CSDE1: variants seen among roughly 807,000 people sequenced by gnomAD.
CSDE1 encodes cold shock domain-containing protein E1.
Under a neutral mutation model 89.3 loss-of-function variants are expected in CSDE1, and 17 were observed. That is an observed-to-expected ratio of 0.19 (90% CI 0.13 to 0.29). The LOEUF (loss-of-function observed/expected upper bound fraction) is 0.29. Among genes scored for constraint, CSDE1 ranks in the 10% least tolerant of loss-of-function variants. CSDE1 has a pLI of 1.00. For missense variants in CSDE1, 672 were observed against 984.2 expected, an observed-to-expected ratio of 0.68 and a Z score of 4.24; for synonymous variants, 322 against 332.8, an observed-to-expected ratio of 0.97 and a Z score of 0.35.
intron 2 of CSDE1, among the ~76,000 whole-genome samples, chr1:114,745,824 A>C (rs1002092261): frequency 2.6e-5 from 4 of 152,216 alleles, no homozygotes; most frequent in African/African-American, 9.6e-5. Flanking sequence ...TAACTCAAGA[A>C]ATTGATTAAA....
At chr1:114,745,321 A>G (rs1313551237) in intron 2 of CSDE1, among the ~76,000 whole-genome samples, 1 of 152,242 alleles carries the variant, frequency 6.6e-6, no homozygotes, top group Non-Finnish European at 1.5e-5. Context: ...GAAATAATAT[A>G]AAGTCTAACA....
intron 16 of CSDE1, 106 bp downstream of exon 16, chr1:114,723,776 GT>G (rs893962351): frequency 8.0e-6 from 12 of 1,505,648 alleles, no homozygotes; most frequent in Non-Finnish European, 9.2e-6. Context: ...CCTTAATTCA[GT>G]TTTAAACCTA....
intron 6 of CSDE1, among the ~76,000 whole-genome samples, chr1:114,734,737 T>C (rs1379372423): frequency 1.3e-5 from 2 of 152,218 alleles, no homozygotes; most frequent in Non-Finnish European, 2.9e-5. Flanking sequence ...TTGGCAAATA[T>C]ATATATAGGT....
At position 114,730,418 on chromosome 1, in the gene CSDE1, A is replaced by G. The variant is rs1197069916; in HGVS notation, c.1196T>C (p.Met399Thr). 4 of 1,612,762 alleles carry G rather than the reference A, an allele frequency of 2.5e-6. No individual in the cohort carries two copies. Among genetic ancestry groups the G allele is most frequent in the Non-Finnish European group, 3.4e-6 (4 of 1,179,666 alleles). ...AGCATGATTTCTTTGAGCAGAGAGC[A>G]TATCCTAAAAATGATAAAACAAAAT... is the stretch of plus-strand genomic sequence containing the variant. ...DEVEFTVVPD[M>T]LSAQRNHAIR... is the part of the protein sequence containing the mutation. The change falls in exon 12 of 20, where the codon ATG becomes ACG. Residue 399 changes from methionine (M) to threonine (T), a missense_variant. By Grantham distance (81) the Met-to-Thr change is moderately conservative. Transcript: ENST00000358528.
At chr1:114,726,030 G>T (rs1659775885) in intron 14 of CSDE1, among the ~76,000 whole-genome samples, 181 bp downstream of exon 14, 1 of 152,110 alleles carries the variant, frequency 6.6e-6, no homozygotes, top group African/African-American at 2.4e-5. Context: ...TATTTCTTTT[G>T]GCCACAGGCT....
rs558231202 is a variant in CSDE1, at chr1:114,718,717, G to A, written c.2245C>T (p.Arg749Ter). 2 of 1,614,136 alleles carry A rather than the reference G, an allele frequency of 1.2e-6. No homozygotes were observed. The highest frequency in any genetic ancestry group is 1.7e-5 in the Admixed American group (1 of 60,020). The part of the protein sequence containing the change: ...CEGPKAVAAP[R>*]PDRLVNRLKN... ...AAGCGATTGACCAACCGATCAGGTC[G>A]AGGAGCTGCAACAGCCTTGGGGCCC... The change falls in exon 19 of 20, where the codon CGA (arginine) becomes TGA (stop). Residue 749 changes from arginine to a stop codon, truncating the protein, a stop_gained. Transcript: ENST00000358528. LOFTEE classifies it high-confidence loss of function.
At chr1:114,731,296 C>T (rs1275595680) in intron 10 of CSDE1, among the ~76,000 whole-genome samples, 1 of 150,928 alleles carries the variant, frequency 6.6e-6, no homozygotes, top group African/African-American at 2.4e-5. Flanking sequence ...ATGACCTAAA[C>T]AATATTTTGA....
At position 114,718,109 on chromosome 1, in the gene CSDE1, C is replaced by T; in HGVS notation, c.*60G>A. 1.9e-6 allele frequency: 3 copies of T among 1,579,978 alleles called. No individual in the cohort carries two copies. The highest frequency in any genetic ancestry group is 2.6e-6 in the Non-Finnish European group (3 of 1,149,674). On this transcript the variant is annotated 3_prime_UTR_variant, in exon 20 of 20. Transcript: ENST00000358528. ...GATGAAGAGGGAGATATTCAGAACC[C>T]TTCACCAGATTCCCCCCAACTTGAT...
At position 114,739,846 on chromosome 1, in the gene CSDE1, C is replaced by A. The variant is rs1401242055; in HGVS notation, c.45G>T (p.Gly15=). 5 of 1,613,990 alleles carry A rather than the reference C, an allele frequency of 3.1e-6. No individual in the cohort carries two copies. Among genetic ancestry groups the A allele is most frequent in the Non-Finnish European group, 8.5e-7 (1 of 1,179,946 alleles). Residue 15 remains glycine (G), a synonymous_variant, in exon 3 of 20, where the codon GGG becomes GGT. Coordinates refer to ENST00000358528, the MANE Select transcript of CSDE1 (RefSeq NM_001007553.3). ...PNLLHNNGHN[G]YPNGTSAALR... is the part of the protein sequence containing the mutation. Reference sequence around the variant, plus strand: ...GTGCTGCTGAAGTACCATTAGGGTACCCATTATGTCCATTGTTGTGGAGAA... The same window carrying A: ...GTGCTGCTGAAGTACCATTAGGGTAACCATTATGTCCATTGTTGTGGAGAA...
intron 2 of CSDE1, among the ~76,000 whole-genome samples, chr1:114,745,592 A>G (rs568185682): frequency 6.6e-6 from 1 of 152,244 alleles, no homozygotes; most frequent in Non-Finnish European, 1.5e-5. Flanking sequence ...TGCCTTATTC[A>G]TTCAACCACA....
chr1:114,725,065 T>C (rs1213570420), intron 15 of CSDE1, among the ~76,000 whole-genome samples, 156 bp downstream of exon 15: 1 of 152,192 alleles, frequency 6.6e-6, no homozygotes, highest in Non-Finnish European at 1.5e-5. Context: ...TCAGAGAACG[T>C]ATATTTCTAA....
intron 15 of CSDE1, 76 bp from the exon 16 acceptor site, chr1:114,724,078 A>G (rs1375471563): frequency 8.0e-6 from 12 of 1,508,018 alleles, no homozygotes; most frequent in African/African-American, 1.4e-5. Context: ...AGCAAAAAAT[A>G]ACAGCACAAA....
chr1:114,734,436 A>C lies in CSDE1; in HGVS notation c.582+6T>G. The C allele has an allele frequency of 6.2e-7, 1 of 1,610,738 alleles. No homozygotes were observed. ...AAAACTCAAGTTTCTCAAATTTAAC[A>C]CTTACCTTCATGGCACAAACTACTC... On this transcript the variant is annotated splice_donor_region_variant and intron_variant, in intron 7 of 19. Transcript: ENST00000358528.
intron 15 of CSDE1, 30 bp downstream of exon 15, chr1:114,725,191 C>T (rs1659728829): frequency 6.4e-7 from 1 of 1,561,278 alleles, no homozygotes; most frequent in Non-Finnish European, 8.8e-7. Flanking sequence ...CTTAAAAGCA[C>T]AGGCTGAATA....
chr1:114,757,420 G>C (rs1321186005), intron 1 of CSDE1, among the ~76,000 whole-genome samples: 1 of 152,054 alleles, frequency 6.6e-6, no homozygotes, highest in Non-Finnish European at 1.5e-5. Context: ...GAAACTACAG[G>C]GTCCAGAGTC....
At position 114,727,004 on chromosome 1, in the gene CSDE1, A is replaced by C. The variant is rs748290172; in HGVS notation, c.1443T>G (p.Thr481=). The stretch of plus-strand genomic sequence containing the variant: ...TTGCCTTATCTCCTATTTGAGGAGA[A>C]GTAGATCCTTCCACATCCTTGGCTT... The part of the protein sequence containing the change: ...AFQAKDVEGS[T]SPQIGDKVEF... The change falls in exon 13 of 20, where the codon ACT becomes ACG. Residue 481 remains threonine, a synonymous_variant. Transcript: ENST00000358528. 1 of 1,612,564 alleles carries C rather than the reference A, an allele frequency of 6.2e-7. No homozygotes were observed.
intron 10 of CSDE1, 77 bp from the exon 11 acceptor site, chr1:114,730,725 G>T: frequency 6.5e-7 from 1 of 1,539,018 alleles, no homozygotes; most frequent in Non-Finnish European, 8.9e-7. Flanking sequence ...CCACCATCAA[G>T]TTAAATTCAT....
intron 9 of CSDE1, 75 bp downstream of exon 9, chr1:114,733,657 A>G: frequency 7.5e-7 from 1 of 1,337,810 alleles, no homozygotes; most frequent in South Asian, 1.4e-5. Flanking sequence ...AATAAGATAA[A>G]ATCTCAGTAT....
intron 16 of CSDE1, among the ~76,000 whole-genome samples, chr1:114,721,275 T>A (rs1243092857): frequency 6.6e-6 from 1 of 152,082 alleles, no homozygotes; most frequent in Non-Finnish European, 1.5e-5. Context: ...TTATTTTAGG[T>A]TTGCAAGTCA....
Sources: gnomAD v4.1 joint callset for allele counts (sites outside exome capture counted in the v4.1 genomes callset) on GRCh38, gnomAD v4.1.1 for gene constraint, MANE v1.5 for transcripts, NCBI Gene and HGNC (gene_info 2026-07-23, HGNC 2026-07-21) for gene names.